The following LOC400499 variants were observed in gnomAD, a reference collection of about 807,000 sequenced individuals.
chr16:11,408,008 C>T, the LOC400499 span, among the ~76,000 whole-genome samples: 1 of 100,396 alleles, frequency 1.0e-5, no homozygotes, highest in South Asian at 3.4e-4. Context: ...GAGAAGGAGT[C>T]TTGCTCTGTT....
At chr16:11,383,977 G>C in the LOC400499 span, 1 of 1,231,844 alleles carries the variant, frequency 8.1e-7, no homozygotes, top group Non-Finnish European at 1.0e-6. Flanking sequence ...CTCCTGCTGA[G>C]GCTTCTCAGT....
chr16:11,478,041 G>A, the LOC400499 span: 10 of 396,450 alleles, frequency 2.5e-5, no homozygotes, highest in African/African-American at 1.2e-4. Flanking sequence ...GGCCGGGCTC[G>A]GTGGCTCACG....
chr16:11,406,426 TTTC>T, the LOC400499 span, among the ~76,000 whole-genome samples: 1 of 152,166 alleles, frequency 6.6e-6, no homozygotes, highest in Non-Finnish European at 1.5e-5. Context: ...CCCCCAGAGA[TTTC>T]TTTTTTCTTT....
the LOC400499 span, among the ~76,000 whole-genome samples, chr16:11,427,439 G>A: frequency 6.8e-6 from 1 of 146,166 alleles, no homozygotes; most frequent in Non-Finnish European, 1.5e-5. Flanking sequence ...GAAACCACTA[G>A]ACACTAATTT....
the LOC400499 span, among the ~76,000 whole-genome samples, chr16:11,483,915 TAGA>T: frequency 2.0e-5 from 3 of 150,426 alleles, no homozygotes; most frequent in African/African-American, 7.3e-5. Context: ...CATAATATTC[TAGA>T]ATATGCAAAG....
At chr16:11,469,538 G>A in the LOC400499 span, 1 of 399,090 alleles carries the variant, frequency 2.5e-6, no homozygotes, top group Admixed American at 4.4e-5. Flanking sequence ...TTGGGATGGA[G>A]AAGCTTGAGC....
At chr16:11,489,288 G>C in the LOC400499 span, among the ~76,000 whole-genome samples, 1 of 152,212 alleles carries the variant, frequency 6.6e-6, no homozygotes, top group Non-Finnish European at 1.5e-5. Flanking sequence ...ACTGTGGCCT[G>C]AGATGGTCAC....
At chr16:11,526,619 T>C in the LOC400499 span, among the ~76,000 whole-genome samples, 1 of 152,242 alleles carries the variant, frequency 6.6e-6, no homozygotes, top group Non-Finnish European at 1.5e-5. Flanking sequence ...TTTCTAATTA[T>C]ATATTGGATA....
At chr16:11,448,036 A>G in the LOC400499 span, 1 of 1,535,974 alleles carries the variant, frequency 6.5e-7, no homozygotes, top group Non-Finnish European at 8.7e-7. Flanking sequence ...CTGGGCACCA[A>G]TCCGCACAGC....
the LOC400499 span, among the ~76,000 whole-genome samples, chr16:11,475,213 G>A: frequency 2.0e-4 from 30 of 152,232 alleles, no homozygotes; most frequent in African/African-American, 7.0e-4. Flanking sequence ...CCTAATGCAT[G>A]CGGGGCTTGT....
At chr16:11,496,630 G>T in the LOC400499 span, among the ~76,000 whole-genome samples, 1 of 152,148 alleles carries the variant, frequency 6.6e-6, no homozygotes, top group African/African-American at 2.4e-5. Flanking sequence ...CATCTCGTGT[G>T]TCCCATTGGA....
chr16:11,484,912 G>A, the LOC400499 span: 3 of 399,302 alleles, frequency 7.5e-6, no homozygotes, highest in Non-Finnish European at 1.3e-5. Flanking sequence ...TTCTGTCTCT[G>A]TCTCCTGGAC....
the LOC400499 span, chr16:11,385,210 C>A: frequency 1.6e-6 from 2 of 1,232,288 alleles, no homozygotes; most frequent in Non-Finnish European, 1.0e-6. Context: ...CTCCTGCTCA[C>A]CTGCAGACTG....
the LOC400499 span, among the ~76,000 whole-genome samples, chr16:11,489,969 T>G: frequency 6.6e-6 from 1 of 152,186 alleles, no homozygotes; most frequent in East Asian, 1.9e-4. Context: ...AGAAACAGCC[T>G]AAAGGCCTAT....
chr16:11,386,318 C>G, the LOC400499 span, among the ~76,000 whole-genome samples: 1 of 152,260 alleles, frequency 6.6e-6, no homozygotes, highest in Non-Finnish European at 1.5e-5. Context: ...CACCTGTCGG[C>G]CAGTCCCAGC....
chr16:11,439,582 C>A, the LOC400499 span: 1 of 399,136 alleles, frequency 2.5e-6, no homozygotes, highest in Non-Finnish European at 4.4e-6. Context: ...GGACCGAGGC[C>A]TGTTGCAGGG....
chr16:11,373,586 A>C, the LOC400499 span, among the ~76,000 whole-genome samples: 1 of 151,948 alleles, frequency 6.6e-6, no homozygotes, highest in East Asian at 1.9e-4. Flanking sequence ...TGGCCTCCCA[A>C]AGTGCTGGGG....
At chr16:11,403,206 A>G in the LOC400499 span, among the ~76,000 whole-genome samples, 1 of 152,080 alleles carries the variant, frequency 6.6e-6, no homozygotes, top group Non-Finnish European at 1.5e-5. Context: ...AAGGGCACCC[A>G]CCTGTTCAGA....
chr16:11,375,091 G>A, the LOC400499 span, among the ~76,000 whole-genome samples: 9 of 151,358 alleles, frequency 5.9e-5, no homozygotes, highest in East Asian at 1.9e-4. Context: ...CAAGTGATTC[G>A]CCCACCCCAG....
Sources: allele counts gnomAD v4.1 joint callset (sites outside exome capture counted in the v4.1 genomes callset), GRCh38; gene constraint gnomAD v4.1.1; transcripts MANE v1.5.